Variants in GRID2 observed in about 807,000 individuals in gnomAD.
GRID2 encodes glutamate receptor ionotropic, delta-2.
Under a neutral mutation model 114.8 loss-of-function variants are expected in GRID2, and 33 were observed. That is an observed-to-expected ratio of 0.29 (90% confidence interval 0.22 to 0.38). The LOEUF (loss-of-function observed/expected upper bound fraction) is 0.38. GRID2 is among the 10% of genes least tolerant of loss of function. The pLI, the probability that GRID2 is intolerant of heterozygous loss-of-function variation, is 1.00. For synonymous variants in GRID2, 505 were observed against 449.9 expected (o/e 1.12, Z -1.55); for missense variants, 1,184 against 1,257.7 (o/e 0.94, Z 0.89).
chr4:92,329,790 C>G (rs933362703), intron 1 of GRID2, among the ~76,000 whole-genome samples: 5 of 151,722 alleles, frequency 3.3e-5, no homozygotes, highest in African/African-American at 1.2e-4. Flanking sequence ...AAAACAGGAG[C>G]AAAATGGGGT....
At chr4:93,790,560 T>TC (rs1001183133) in intron 1 of GRID2, among the ~76,000 whole-genome samples, 5 of 151,738 alleles carry the variant, frequency 3.3e-5, no homozygotes, top group Non-Finnish European at 5.9e-5. Context: ...ATTTTTTTTT[T>TC]TTTGTGAGAC....
At chr4:92,390,028 A>T (rs1349940634) in intron 1 of GRID2, among the ~76,000 whole-genome samples, 1 of 152,164 alleles carries the variant, frequency 6.6e-6, no homozygotes, top group Admixed American at 6.6e-5. Context: ...CATGTTTAAC[A>T]GAGCCAATTT....
chr4:92,969,485 A>G (rs1341334979), intron 2 of GRID2, among the ~76,000 whole-genome samples: 1 of 151,774 alleles, frequency 6.6e-6, no homozygotes, highest in African/African-American at 2.4e-5. Flanking sequence ...TGGAACTTTG[A>G]TAAAATTCAT....
chr4:93,120,638 T>C (rs1193958875), intron 4 of GRID2, among the ~76,000 whole-genome samples: 1 of 152,022 alleles, frequency 6.6e-6, no homozygotes, highest in African/African-American at 2.4e-5. Context: ...GACAAATACC[T>C]AATGCATGCA....
chr4:93,025,780 A>G (rs991427486), intron 2 of GRID2, among the ~76,000 whole-genome samples: 10 of 151,764 alleles, frequency 6.6e-5, no homozygotes, highest in South Asian at 2.1e-4. Flanking sequence ...GAGATAATGT[A>G]GATGAACAAG....
intron 2 of GRID2, among the ~76,000 whole-genome samples, chr4:92,917,708 T>A (rs1748929245): frequency 6.6e-6 from 1 of 152,220 alleles, no homozygotes; most frequent in African/African-American, 2.4e-5. Context: ...CATTGGTGTT[T>A]ATCTCTGTTT....
intron 4 of GRID2, among the ~76,000 whole-genome samples, chr4:93,155,263 C>G (rs1737072245): frequency 1.3e-5 from 2 of 151,904 alleles, no homozygotes; most frequent in South Asian, 4.1e-4. Flanking sequence ...TCTTAATTCC[C>G]ACTACCACAT....
Position 93,110,859 on chromosome 4 carries a change from C to G in GRID2, c.641C>G (p.Thr214Ser). Residue 214 changes from threonine (T) to serine (S), a missense_variant, in exon 4 of 16, where the codon ACC (threonine) becomes AGC (serine). Coordinates refer to ENST00000282020, the MANE Select transcript of GRID2 (RefSeq NM_001510.4). ...INKMITTLFD[T>S]MRIEELNRYR... is the part of the protein sequence containing the mutation. ...AAAATGATTACCACTCTCTTTGACA[C>G]CATGAGAATAGAAGAACTGAATCGC... The G allele has an allele frequency of 6.2e-7, 1 of 1,610,730 alleles. No homozygotes were observed. Among genetic ancestry groups the G allele is most frequent in the Non-Finnish European group, 8.5e-7 (1 of 1,176,944 alleles).
At chr4:92,422,545 T>C (rs1488263357) in intron 1 of GRID2, among the ~76,000 whole-genome samples, 1 of 151,986 alleles carries the variant, frequency 6.6e-6, no homozygotes, top group Non-Finnish European at 1.5e-5. Context: ...TGTTAATTAG[T>C]TAGGTAGGAG....
chr4:93,589,277 C>G (rs924043412), intron 13 of GRID2, among the ~76,000 whole-genome samples: 1 of 148,948 alleles, frequency 6.7e-6, no homozygotes. Context: ...GTTCAATTCC[C>G]ACCTATGAGT....
chr4:93,166,936 A>G (rs1056187275), intron 4 of GRID2, among the ~76,000 whole-genome samples: 1 of 152,140 alleles, frequency 6.6e-6, no homozygotes, highest in Non-Finnish European at 1.5e-5. Context: ...TGAGCCTTCA[A>G]TTTGTAGTCC....
At chr4:93,456,386 A>G (rs1006859351) in intron 11 of GRID2, among the ~76,000 whole-genome samples, 1 of 152,216 alleles carries the variant, frequency 6.6e-6, no homozygotes, top group African/African-American at 2.4e-5. Context: ...TTGTTCAGAG[A>G]CATTATTTCA....
At chr4:93,568,046 C>A (rs556498500) in intron 13 of GRID2, among the ~76,000 whole-genome samples, 1 of 152,220 alleles carries the variant, frequency 6.6e-6, no homozygotes, top group East Asian at 1.9e-4. Flanking sequence ...AAAAGTCAGT[C>A]AGACACAAAT....
intron 1 of GRID2, among the ~76,000 whole-genome samples, chr4:92,508,833 A>T (rs1724103592): frequency 6.6e-6 from 1 of 151,916 alleles, no homozygotes; most frequent in Non-Finnish European, 1.5e-5. Context: ...TGGAGAGAAC[A>T]GTTAGGAGGC....
rs1049910550 is a variant in GRID2 at position 92,392,595 on chromosome 4, C to A, written c.88+87851C>A. 3.9e-5 allele frequency among the ~76,000 whole-genome samples: 6 copies of A among 152,006 alleles called. No individual in the cohort carries two copies. The East Asian group carries it at 1.2e-3, about 29-fold the overall frequency. On this transcript the variant is annotated intron_variant, in intron 1 of 15. Transcript: ENST00000282020. ...TGAAAGTAAATTGGACACATGATAA[C>A]CCTTTAATACTGCATAATTCAGTAT...
intron 2 of GRID2, among the ~76,000 whole-genome samples, chr4:92,815,275 T>A (rs1740839222): frequency 6.6e-6 from 1 of 152,146 alleles, no homozygotes; most frequent in East Asian, 1.9e-4. Flanking sequence ...AAGTGCACAT[T>A]ATTGTGCTTA....
chr4:93,128,205 C>T (rs1734481146), intron 4 of GRID2, among the ~76,000 whole-genome samples: 1 of 151,972 alleles, frequency 6.6e-6, no homozygotes, highest in Non-Finnish European at 1.5e-5. Context: ...TGAACTTTAT[C>T]AGTAAAATCT....
chr4:92,517,462 C>G (rs28480343), intron 1 of GRID2, among the ~76,000 whole-genome samples: 1 of 151,604 alleles, frequency 6.6e-6, no homozygotes, highest in Admixed American at 6.6e-5. Flanking sequence ...TGGAAAGCTT[C>G]TCATATTTTA....
chr4:92,755,566 G>A (rs931710963), intron 2 of GRID2, among the ~76,000 whole-genome samples: 1 of 152,094 alleles, frequency 6.6e-6, no homozygotes, highest in Non-Finnish European at 1.5e-5. Flanking sequence ...ACCATGTAAA[G>A]ACCTGGATGA....
Sources: gnomAD v4.1 joint callset for allele counts (sites outside exome capture counted in the v4.1 genomes callset) on GRCh38, gnomAD v4.1.1 for gene constraint, MANE v1.5 for transcripts, NCBI Gene and HGNC (gene_info 2026-07-23, HGNC 2026-07-21) for gene names.